Variants in ADAMTS19 observed in about 807,000 individuals in gnomAD.
ADAMTS19 encodes the protein A disintegrin and metalloproteinase with thrombospondin motifs 19.
A neutral mutation model predicts 153.3 loss-of-function variants in ADAMTS19; 93 were observed. That is an observed-to-expected ratio of 0.61 (90% CI 0.51 to 0.72). The LOEUF (loss-of-function observed/expected upper bound fraction) is 0.72, where lower values mean the gene tolerates loss of function less well. ADAMTS19 is among the 30% of genes least tolerant of loss of function. ADAMTS19 has a pLI of 0.00. For missense variants in ADAMTS19, 1,482 were observed against 1,552.1 expected (o/e 0.95, Z 0.76); for synonymous variants, 600 against 556.6 (o/e 1.08, Z -1.10).
At chr5:129,490,967 T>C (rs1230636143) in intron 2 of ADAMTS19, among the ~76,000 whole-genome samples, 2 of 151,762 alleles carry the variant, frequency 1.3e-5, no homozygotes, top group Admixed American at 6.6e-5. Flanking sequence ...TGAATAAACA[T>C]ATATTGTTGT....
chr5:129,484,323 ATCATGTTGAAGCCC>A (rs1343509272), intron 2 of ADAMTS19, among the ~76,000 whole-genome samples: 4 of 152,176 alleles, frequency 2.6e-5, no homozygotes, highest in Non-Finnish European at 5.9e-5. Flanking sequence ...AATTCTGCAC[ATCATGTTGAAGCCC>A]TCAGGGTACT....
intron 21 of ADAMTS19, among the ~76,000 whole-genome samples, chr5:129,719,117 T>C (rs1327634144): frequency 1.3e-5 from 2 of 152,142 alleles, no homozygotes; most frequent in East Asian, 3.9e-4. Context: ...CAGACTGCTG[T>C]TAGTTGAGTT....
intron 20 of ADAMTS19, 33 bp downstream of exon 20, chr5:129,701,625 T>A: frequency 1.2e-6 from 2 of 1,607,652 alleles, no homozygotes; most frequent in Non-Finnish European, 8.5e-7. Context: ...TCCCCATTCC[T>A]ACTCTGACTC....
intron 20 of ADAMTS19, among the ~76,000 whole-genome samples, chr5:129,702,941 A>AAAAAAT: frequency 1.4e-4 from 4 of 29,306 alleles, no homozygotes; most frequent in Admixed American, 4.6e-4. Flanking sequence ...AAAAAAAAAA[A>AAAAAAT]ATATATATAT....
chr5:129,665,881 C>CAT (rs3979171), intron 16 of ADAMTS19, among the ~76,000 whole-genome samples: 228 of 143,658 alleles, frequency 1.6e-3, no homozygotes, highest in East Asian at 0.013. Context: ...GATTTATATT[C>CAT]ATATATATAT....
intron 2 of ADAMTS19, among the ~76,000 whole-genome samples, chr5:129,504,522 A>C (rs1414842225): frequency 6.6e-6 from 1 of 152,174 alleles, no homozygotes; most frequent in Non-Finnish European, 1.5e-5. Context: ...GACCACATTT[A>C]AAATCTACTC....
intron 7 of ADAMTS19, among the ~76,000 whole-genome samples, chr5:129,595,004 AT>A (rs1750307592): frequency 6.6e-6 from 1 of 152,112 alleles, no homozygotes; most frequent in Admixed American, 6.6e-5. Flanking sequence ...TTTCTATAAA[AT>A]CTATTTTAAT....
intron 7 of ADAMTS19, among the ~76,000 whole-genome samples, chr5:129,590,832 T>C (rs893460432): frequency 4.6e-5 from 7 of 152,328 alleles, no homozygotes; most frequent in African/African-American, 1.4e-4. Flanking sequence ...TATTTTTTTC[T>C]CATTAGTAGA....
chr5:129,670,910 T>C (rs1469063257), intron 16 of ADAMTS19, among the ~76,000 whole-genome samples: 1 of 152,166 alleles, frequency 6.6e-6, no homozygotes, highest in Non-Finnish European at 1.5e-5. Flanking sequence ...TTGAATCACA[T>C]ATCCGTCTCA....
At chr5:129,574,375 T>A (rs1339682339) in intron 7 of ADAMTS19, among the ~76,000 whole-genome samples, 1 of 152,018 alleles carries the variant, frequency 6.6e-6, no homozygotes, top group Non-Finnish European at 1.5e-5. Flanking sequence ...ACATGTGCCA[T>A]GGTGGTTTCT....
At chr5:129,544,703 T>A (rs888782287) in intron 6 of ADAMTS19, among the ~76,000 whole-genome samples, 6 of 152,096 alleles carry the variant, frequency 3.9e-5, no homozygotes, top group Admixed American at 1.3e-4. Flanking sequence ...AAATCTAGGT[T>A]TTTATGTTTT....
intron 14 of ADAMTS19, among the ~76,000 whole-genome samples, chr5:129,655,364 T>G (rs1181631301): frequency 6.6e-6 from 1 of 152,150 alleles, no homozygotes; most frequent in African/African-American, 2.4e-5. Context: ...GAAAGCAGGT[T>G]TCCTTAGTCT....
At chr5:129,528,375 C>G in intron 5 of ADAMTS19, 145 bp from the exon 6 acceptor site, 1 of 548,550 alleles carries the variant, frequency 1.8e-6, no homozygotes, top group Non-Finnish European at 2.9e-6. Context: ...TAAATTAAAC[C>G]TGCATGTCTT....
intron 21 of ADAMTS19, among the ~76,000 whole-genome samples, chr5:129,715,982 C>T (rs111640252): frequency 0.017 from 2,556 of 151,826 alleles, 56 homozygotes; most frequent in African/African-American, 0.046. Context: ...GCAGCAGCTG[C>T]GGCAGATGGA....
At chr5:129,571,488 G>A (rs1182631929) in intron 7 of ADAMTS19, among the ~76,000 whole-genome samples, 1 of 151,498 alleles carries the variant, frequency 6.6e-6, no homozygotes, top group East Asian at 1.9e-4. Context: ...TACAAAATCT[G>A]TATACTAGGA....
In ADAMTS19 at chr5:129,461,866, G is replaced by A; in HGVS notation, c.747+109G>A. 12 of 1,423,398 alleles carry A rather than the reference G, an allele frequency of 8.4e-6. No homozygotes were observed. The highest frequency in any genetic ancestry group is 1.1e-5 in the Non-Finnish European group (12 of 1,094,078). 88.2% of individuals were successfully genotyped at this position (1,423,398 alleles called of 1,614,324 possible). ...TCTCCCCTTTCAGTGTGCTCCTTTT[G>A]AGCTTGGCCCTAGACTGCACCCCCA... On this transcript the variant is annotated intron_variant, in intron 2 of 22. Coordinates refer to ENST00000274487, the MANE Select transcript of ADAMTS19 (RefSeq NM_133638.6). The surrounding 1 kb of genome is among the most constrained non-coding windows in gnomAD (Gnocchi z 4.6).
intron 7 of ADAMTS19, among the ~76,000 whole-genome samples, chr5:129,552,479 T>A (rs1354917995): frequency 6.6e-6 from 1 of 151,644 alleles, no homozygotes; most frequent in East Asian, 1.9e-4. Context: ...TGTTTTAAAA[T>A]GTATCTATAT....
At chr5:129,567,751 G>GAAA (rs887911018) in intron 7 of ADAMTS19, among the ~76,000 whole-genome samples, 1 of 146,222 alleles carries the variant, frequency 6.8e-6, no homozygotes. Flanking sequence ...TCCAGGAGAA[G>GAAA]AAAAAAAAAA....
chr5:129,578,823 T>A (rs189391611), intron 7 of ADAMTS19, among the ~76,000 whole-genome samples: 42 of 152,348 alleles, frequency 2.8e-4, no homozygotes, highest in African/African-American at 9.4e-4. Flanking sequence ...TGCCACATTA[T>A]CTTTATCCAG....
Sources: gnomAD v4.1 joint callset for allele counts (sites outside exome capture counted in the v4.1 genomes callset) on GRCh38, gnomAD v4.1.1 for gene constraint, Gnocchi (gnomAD v3.1) non-coding constraint, MANE v1.5 for transcripts, NCBI Gene and HGNC (gene_info 2026-07-23, HGNC 2026-07-21) for gene names.